The following PTPRM variants were observed in gnomAD, a reference collection of about 807,000 sequenced individuals.
PTPRM encodes the protein receptor-type tyrosine-protein phosphatase mu.
PTPRM carries 47 observed loss-of-function variants against 186.7 expected under a neutral mutation model. The ratio of observed to expected loss-of-function variants is 0.25; its 90% CI spans 0.20 to 0.32. The LOEUF (loss-of-function observed/expected upper bound fraction) is 0.32. Ranked by LOEUF, PTPRM falls within the 10% of genes least tolerant of loss-of-function variation. The probability of loss-of-function intolerance (pLI) is 1.00; values close to 1 mark genes in which losing one functional copy is unlikely to be tolerated. For missense variants in PTPRM, 1,494 were observed against 1,865.0 expected, an observed-to-expected ratio of 0.80 and a Z score of 3.66; for synonymous variants, 668 against 674.9, an observed-to-expected ratio of 0.99 and a Z score of 0.16.
chr18:7,804,615 T>A (rs1178831372), intron 2 of PTPRM, among the ~76,000 whole-genome samples: 1 of 152,232 alleles, frequency 6.6e-6, no homozygotes, highest in African/African-American at 2.4e-5. Context: ...AATCTTAAGA[T>A]GTACATGTCT....
At chr18:7,717,988 G>A (rs920435196) in intron 1 of PTPRM, among the ~76,000 whole-genome samples, 9 of 151,838 alleles carry the variant, frequency 5.9e-5, no homozygotes, top group South Asian at 2.1e-4. Flanking sequence ...CACCCCTGTT[G>A]AGAGTCTCAT....
chr18:8,138,638 G>T (rs1364260820), intron 13 of PTPRM, among the ~76,000 whole-genome samples: 2 of 152,156 alleles, frequency 1.3e-5, no homozygotes, highest in Non-Finnish European at 2.9e-5. Context: ...CATCTGCCAA[G>T]AGCCTGTGCA....
chr18:7,915,675 A>G (rs1209203548), intron 4 of PTPRM, among the ~76,000 whole-genome samples: 4 of 152,218 alleles, frequency 2.6e-5, no homozygotes, highest in Non-Finnish European at 5.9e-5. Flanking sequence ...TTTTACAAAT[A>G]AAAAAATTTT....
At chr18:7,800,201 C>T (rs771996295) in intron 2 of PTPRM, among the ~76,000 whole-genome samples, 14 of 152,110 alleles carry the variant, frequency 9.2e-5, no homozygotes, top group African/African-American at 1.7e-4. Flanking sequence ...GCCAGGTGAG[C>T]GCCAAAGCAT....
intron 14 of PTPRM, among the ~76,000 whole-genome samples, chr18:8,239,498 C>T (rs954002618): frequency 2.7e-5 from 4 of 150,888 alleles, no homozygotes; most frequent in Non-Finnish European, 5.9e-5. Context: ...CCCCTTAAAA[C>T]TAATTCCCCC....
intron 2 of PTPRM, among the ~76,000 whole-genome samples, chr18:7,781,310 A>G (rs1392901393): frequency 1.3e-5 from 2 of 152,214 alleles, no homozygotes; most frequent in Non-Finnish European, 2.9e-5. Flanking sequence ...TAATCAGTAT[A>G]TTTGTTTCAA....
chr18:7,700,717 G>A (rs867990063), intron 1 of PTPRM, among the ~76,000 whole-genome samples: 4 of 152,260 alleles, frequency 2.6e-5, no homozygotes, highest in African/African-American at 9.6e-5. Context: ...TAGGTCGGAT[G>A]CAGTGGCTCA....
intron 3 of PTPRM, among the ~76,000 whole-genome samples, chr18:7,896,242 T>A (rs1011564846): frequency 2.0e-5 from 3 of 152,172 alleles, no homozygotes; most frequent in Non-Finnish European, 4.4e-5. Context: ...ATTTTCCTCA[T>A]GTACTCGCCC....
At chr18:7,981,202 A>G (rs1041661920) in intron 7 of PTPRM, among the ~76,000 whole-genome samples, 3 of 152,088 alleles carry the variant, frequency 2.0e-5, no homozygotes, top group Non-Finnish European at 4.4e-5. Context: ...CTACTTAAAT[A>G]TCCCCTCCTC....
At chr18:7,874,476 A>G (rs1016274394) in intron 2 of PTPRM, among the ~76,000 whole-genome samples, 8 of 152,138 alleles carry the variant, frequency 5.3e-5, no homozygotes, top group African/African-American at 1.7e-4. Context: ...CTGATCGATC[A>G]TTCATCATCA....
intron 2 of PTPRM, among the ~76,000 whole-genome samples, chr18:7,886,129 A>G (rs1223186549): frequency 6.6e-5 from 10 of 152,202 alleles, no homozygotes; most frequent in Admixed American, 4.6e-4. Context: ...TCCACCAGTA[A>G]GGATATATGT....
intron 13 of PTPRM, among the ~76,000 whole-genome samples, chr18:8,118,924 G>A (rs548458964): frequency 6.6e-6 from 1 of 150,912 alleles, no homozygotes; most frequent in Non-Finnish European, 1.5e-5. Context: ...TTCTTCCAGG[G>A]TGGCCCAGGG....
chr18:8,105,214 G>A (rs754521877), intron 11 of PTPRM, among the ~76,000 whole-genome samples: 3 of 152,178 alleles, frequency 2.0e-5, no homozygotes, highest in African/African-American at 7.2e-5. Context: ...TTGCTGAATC[G>A]CTACAGTGAG....
intron 1 of PTPRM, among the ~76,000 whole-genome samples, chr18:7,604,395 T>C (rs2143781024): frequency 6.6e-6 from 1 of 152,326 alleles, no homozygotes; most frequent in African/African-American, 2.4e-5. Flanking sequence ...GAAAACTTGA[T>C]TCCTGTGGAA....
intron 1 of PTPRM, among the ~76,000 whole-genome samples, chr18:7,691,675 G>A (rs1026720245): frequency 6.6e-6 from 1 of 152,172 alleles, no homozygotes; most frequent in Non-Finnish European, 1.5e-5. Context: ...GGTACTTTGG[G>A]AGGTTGAGGC....
chr18:7,810,733 G>T (rs552937541), intron 2 of PTPRM, among the ~76,000 whole-genome samples: 5 of 152,268 alleles, frequency 3.3e-5, no homozygotes, highest in African/African-American at 1.2e-4. Context: ...TCTCATGTAT[G>T]TAACCTTTAT....
chr18:7,982,878 G>T (rs898249340), intron 7 of PTPRM, among the ~76,000 whole-genome samples: 8 of 152,152 alleles, frequency 5.3e-5, no homozygotes, highest in African/African-American at 1.7e-4. Context: ...TTTCTCTGAG[G>T]TTTATTGAAA....
At chr18:8,339,350 G>T (rs1012423252) in intron 22 of PTPRM, among the ~76,000 whole-genome samples, 1 of 151,998 alleles carries the variant, frequency 6.6e-6, no homozygotes, top group African/African-American at 2.4e-5. Context: ...TTACCTTTCA[G>T]ATTTCCCACA....
At chr18:8,376,022 G>T in intron 24 of PTPRM, 24 bp from the exon 25 acceptor site, 3 of 1,594,094 alleles carry the variant, frequency 1.9e-6, no homozygotes, top group East Asian at 4.5e-5. Context: ...TCTCTTCCTT[G>T]TTCTGGCTAA....
Sources: allele counts gnomAD v4.1 joint callset (sites outside exome capture counted in the v4.1 genomes callset), GRCh38; gene constraint gnomAD v4.1.1; transcripts MANE v1.5; gene names NCBI Gene and HGNC (gene_info 2026-07-23, HGNC 2026-07-21).